NAV1: variants seen among roughly 807,000 people sequenced by gnomAD.
NAV1 encodes the protein pore membrane and/or filament interacting like protein 3.
Under a neutral mutation model 175.2 loss-of-function variants are expected in NAV1, and 18 were observed. The observed-to-expected ratio is 0.10, with a 90% CI of 0.07 to 0.15. NAV1 has a LOEUF of 0.15. Ranked by LOEUF, NAV1 falls within the 10% of genes least tolerant of loss-of-function variation. NAV1 has a pLI of 1.00. For synonymous variants in NAV1, 897 were observed against 978.7 expected (o/e 0.92, Z 1.56); for missense variants, 1,731 against 2,436.6 (o/e 0.71, Z 6.10).
intron 1 of NAV1, among the ~76,000 whole-genome samples, chr1:201,652,806 C>T (rs1265771348): frequency 6.6e-6 from 1 of 152,154 alleles, no homozygotes; most frequent in East Asian, 1.9e-4. Flanking sequence ...AATACAGATG[C>T]ACCTCAATTT....
exon 1 of NAV1, chr1:201,648,327 C>T (rs1286335084): frequency 1.7e-6 from 2 of 1,161,328 alleles, no homozygotes; most frequent in African/African-American, 3.2e-5. Flanking sequence ...CCGGAGGAGC[C>T]GCGGGGCTTC....
chr1:201,700,106 T>C (rs2102438703), intron 1 of NAV1, among the ~76,000 whole-genome samples: 1 of 152,282 alleles, frequency 6.6e-6, no homozygotes, highest in South Asian at 2.1e-4. Context: ...CTAATTAAGC[T>C]AAAGAGCTTC....
intron 2 of NAV1, among the ~76,000 whole-genome samples, chr1:201,615,949 G>A (rs895889830): frequency 6.6e-6 from 1 of 152,140 alleles, no homozygotes; most frequent in Admixed American, 6.5e-5. Context: ...TCAGGAGAAT[G>A]AGGCAGCTCA....
intron 1 of NAV1, among the ~76,000 whole-genome samples, chr1:201,701,435 G>T (rs1013341095): frequency 2.5e-4 from 37 of 150,492 alleles, no homozygotes; most frequent in East Asian, 5.8e-4. Context: ...AAAAGAAAAA[G>T]AAAAAGAGCC....
intron 3 of NAV1, chr1:201,737,235 C>T (rs1054066786): frequency 6.6e-6 from 1 of 152,228 alleles, no homozygotes; most frequent in South Asian, 2.1e-4. Flanking sequence ...TAAGTAGCAA[C>T]GCTTCTGGGA....
At chr1:201,805,460 A>G (rs1239444206) in intron 17 of NAV1, among the ~76,000 whole-genome samples, 1 of 152,238 alleles carries the variant, frequency 6.6e-6, no homozygotes, top group Non-Finnish European at 1.5e-5. Context: ...CTGTCTGTGC[A>G]GAAGAGAAGC....
intron 2 of NAV1, among the ~76,000 whole-genome samples, chr1:201,630,539 G>GGACC (rs1212031240): frequency 1.5e-4 from 23 of 152,160 alleles, no homozygotes; most frequent in African/African-American, 5.6e-4. Flanking sequence ...CTGGGAGCTG[G>GGACC]GACCTTTTGA....
upstream of NAV1, among the ~76,000 whole-genome samples, chr1:201,647,317 G>A (rs983565375): frequency 6.6e-6 from 1 of 152,190 alleles, no homozygotes; most frequent in African/African-American, 2.4e-5. Context: ...AGGAAAGGAA[G>A]AAGGGCTTGG....
chr1:201,572,157 C>T (rs1274870837), intron 1 of NAV1, among the ~76,000 whole-genome samples: 3 of 151,980 alleles, frequency 2.0e-5, no homozygotes, highest in East Asian at 1.9e-4. Flanking sequence ...CATGGGATAG[C>T]GAGGAAACTG....
chr1:201,543,231 G>A (rs1224791110), intron 1 of NAV1, among the ~76,000 whole-genome samples: 2 of 152,112 alleles, frequency 1.3e-5, no homozygotes, highest in Non-Finnish European at 2.9e-5. Context: ...CTTGATTTTA[G>A]CCTTTCACCA....
At chr1:201,548,377 A>C (rs34882303) in intron 1 of NAV1, among the ~76,000 whole-genome samples, 22,628 of 152,114 alleles carry the variant, frequency 0.15, 2,051 homozygotes, top group Non-Finnish European at 0.21. Flanking sequence ...CAATCTGTAC[A>C]AAACATTAAA....
rs1203677295 is a variant in NAV1, at chr1:201,794,461, C to G, written c.3406-5C>G. ...CAGCCAACGCTATTTTCATTTCTCT[C>G]TTAGGACACTGAGCTGCTGGATTTG... On this transcript the variant is annotated splice_polypyrimidine_tract_variant and splice_region_variant and intron_variant, in intron 14 of 29. Transcript: ENST00000367296. 2 of 1,611,980 alleles carry G rather than the reference C, an allele frequency of 1.2e-6. No homozygotes were observed. Among genetic ancestry groups the G allele is most frequent in the South Asian group, 1.1e-5 (1 of 90,902 alleles).
At chr1:201,604,509 C>A (rs1369214355) in intron 2 of NAV1, among the ~76,000 whole-genome samples, 1 of 151,870 alleles carries the variant, frequency 6.6e-6, no homozygotes, top group Admixed American at 6.6e-5. Flanking sequence ...TGGTGAAACC[C>A]CATCTCTACT....
intron 3 of NAV1, among the ~76,000 whole-genome samples, chr1:201,744,746 T>TTA (rs1253569702): frequency 2.0e-5 from 3 of 152,298 alleles, no homozygotes; most frequent in Admixed American, 2.0e-4. Context: ...GGACAAGAGC[T>TTA]TATTTGAGGA....
intron 3 of NAV1, among the ~76,000 whole-genome samples, chr1:201,756,755 C>T (rs1424116238): frequency 6.6e-6 from 1 of 152,192 alleles, no homozygotes; most frequent in Non-Finnish European, 1.5e-5. Context: ...AGTTCCTTCT[C>T]CAGGTGTCTG....
chr1:201,767,617 T>G (rs904520395), intron 3 of NAV1, among the ~76,000 whole-genome samples: 1 of 152,228 alleles, frequency 6.6e-6, no homozygotes, highest in Non-Finnish European at 1.5e-5. Context: ...GAAAGCTTAC[T>G]CCACATCTCA....
chr1:201,810,832 T>G lies in NAV1; in HGVS notation c.4797+74T>G, dbSNP rs1678649635. 1 of 1,114,604 alleles carries G rather than the reference T, an allele frequency of 9.0e-7. No homozygotes were observed. Among genetic ancestry groups the G allele is most frequent in the Non-Finnish European group, 1.3e-6 (1 of 759,490 alleles). The allele number at this position is 1,114,604 out of a possible 1,614,324, so 69.0% of individuals were successfully genotyped here. ...TCCCTAAGACCCTTCCTCGGCCCCT[T>G]CCTGCCTCATTGTTCCCTTTTCCTC... On this transcript the variant is annotated intron_variant, in intron 24 of 29. Transcript: ENST00000367296. This position sits in a 1 kb window ranked among gnomAD's most constrained non-coding sequence, Gnocchi z 6.0.
intron 1 of NAV1, among the ~76,000 whole-genome samples, chr1:201,540,327 T>G (rs888805206): frequency 1.3e-5 from 2 of 152,194 alleles, no homozygotes. Context: ...GATAACATGC[T>G]GTTTATCTGG....
chr1:201,592,133 C>A (rs1479154501), intron 2 of NAV1, among the ~76,000 whole-genome samples: 1 of 152,178 alleles, frequency 6.6e-6, no homozygotes, highest in Admixed American at 6.5e-5. Flanking sequence ...GGAAGCTGCC[C>A]CACCTGCATG....
Sources: gnomAD v4.1 joint callset for allele counts (sites outside exome capture counted in the v4.1 genomes callset) on GRCh38, gnomAD v4.1.1 for gene constraint, Gnocchi (gnomAD v3.1) non-coding constraint, MANE v1.5 for transcripts, NCBI Gene and HGNC (gene_info 2026-07-23, HGNC 2026-07-21) for gene names.